The following SLC6A6 variants were observed in gnomAD, a reference collection of about 807,000 sequenced individuals.
SLC6A6 encodes the protein sodium- and chloride-dependent taurine transporter.
A neutral mutation model predicts 68.8 loss-of-function variants in SLC6A6; 16 were observed. That is an observed-to-expected ratio of 0.23 (90% confidence interval 0.16 to 0.35). The LOEUF (loss-of-function observed/expected upper bound fraction) is 0.35, where lower values mean the gene tolerates loss of function less well. Among genes scored for constraint, SLC6A6 ranks in the 10% least tolerant of loss-of-function variants. The probability of loss-of-function intolerance (pLI) is 1.00; values close to 1 mark genes in which losing one functional copy is unlikely to be tolerated. For missense variants in SLC6A6, 474 were observed against 802.8 expected, an observed-to-expected ratio of 0.59 and a Z score of 4.95; for synonymous variants, 312 against 315.4, an observed-to-expected ratio of 0.99 and a Z score of 0.12.
chr3:14,444,718 G>A (rs1231984333), intron 3 of SLC6A6: 1 of 456,596 alleles, frequency 2.2e-6, no homozygotes, highest in South Asian at 1.5e-5. Context: ...CTTAGAGCCT[G>A]GTTTCTTAAC....
At position 14,468,284 on chromosome 3, in the gene SLC6A6, A is replaced by G; in HGVS notation, c.1096+72A>G. 7.0e-7 allele frequency: 1 copy of G among 1,421,562 alleles called. No homozygotes were observed. The highest frequency in any genetic ancestry group is 9.6e-7 in the Non-Finnish European group (1 of 1,046,044). 88.1% of individuals were successfully genotyped at this position (1,421,562 alleles called of 1,614,324 possible). On this transcript the variant is annotated intron_variant, in intron 9 of 14. Transcript: ENST00000622186. This position sits in a 1 kb window ranked among gnomAD's most constrained non-coding sequence, Gnocchi z 4.5. The stretch of plus-strand genomic sequence containing the variant: ...TGTAAGCCAAGTACTGCAGGCATGA[A>G]GCCAGACCCCAGGGGGCTTTGAGGG...
chr3:14,405,013 G>T (rs1442346080), intron 1 of SLC6A6, among the ~76,000 whole-genome samples: 1 of 152,236 alleles, frequency 6.6e-6, no homozygotes, highest in African/African-American at 2.4e-5. Context: ...CAAACTGAGA[G>T]CCACCTAAGG....
chr3:14,421,045 C>T, intron 2 of SLC6A6, among the ~76,000 whole-genome samples: 1 of 152,200 alleles, frequency 6.6e-6, no homozygotes, highest in Non-Finnish European at 1.5e-5. Context: ...ATCATTGACC[C>T]CGCAGGGGTT....
chr3:14,403,106 G>A (rs1171749212), intron 1 of SLC6A6, among the ~76,000 whole-genome samples: 1 of 146,946 alleles, frequency 6.8e-6, no homozygotes, highest in Non-Finnish European at 1.5e-5. Context: ...GTGTGTGTGT[G>A]TGTGTGTGTG....
chr3:14,466,782 C>T lies in SLC6A6; in HGVS notation c.867+132C>T, dbSNP rs549559338. 219 of 777,606 alleles carry T rather than the reference C, an allele frequency of 2.8e-4. 2 individuals carry two copies. The highest frequency in any genetic ancestry group is 2.6e-3 in the African/African-American group (153 of 57,892). The allele number at this position is 777,606 out of a possible 1,614,324, so 48.2% of individuals were successfully genotyped here. A position where few individuals can be genotyped will look rare whatever the true frequency, so the allele number is the denominator to read the frequency against. On this transcript the variant is annotated intron_variant, in intron 7 of 14. Transcript: ENST00000622186. Reference sequence around the variant, plus strand: ...CAGTGCACAGGTCTAGCTGGGCCACCGCCCCCTGGTACTTTTCCACCGGGC... The same window carrying T: ...CAGTGCACAGGTCTAGCTGGGCCACTGCCCCCTGGTACTTTTCCACCGGGC...
rs3773169 is a variant in SLC6A6, at chr3:14,472,939, C to G, written c.1209+622C>G. On this transcript the variant is annotated intron_variant, in intron 10 of 14. Transcript: ENST00000622186. The surrounding 1 kb of genome is among the most constrained non-coding windows in gnomAD (Gnocchi z 4.5). ...GCCTCGCTCAAACCCGCCCTGACCT[C>G]TGGCTGTCCTGGCTTCTCCCCTCCC... Among the ~76,000 whole-genome samples the G allele has an allele frequency of 8.5e-5, 13 of 152,346 alleles. No homozygotes were observed. The East Asian group carries it at 2.5e-3, about 29-fold the overall frequency.
chr3:14,413,953 T>C lies in SLC6A6; in HGVS notation c.-53-2459T>C, dbSNP rs562144765. Among the ~76,000 whole-genome samples, 3 of 152,290 alleles carry C rather than the reference T, an allele frequency of 2.0e-5. No individual in the cohort carries two copies. In the East Asian group the frequency reaches 5.8e-4, roughly 29 times the overall value. On this transcript the variant is annotated intron_variant, in intron 1 of 14. Transcript: ENST00000622186. ...GTTTTATTTTTTTTATTTATTTATTTTTGAGATGAGTCTTTCTGTGTCTCC... is the reference window on the plus strand; with the variant it reads ...GTTTTATTTTTTTTATTTATTTATTCTTGAGATGAGTCTTTCTGTGTCTCC...
At chr3:14,444,351 C>T (rs1352533872) in intron 3 of SLC6A6, 1 of 191,378 alleles carries the variant, frequency 5.2e-6, no homozygotes, top group African/African-American at 2.3e-5. Context: ...CCAAAGGTAT[C>T]CAGGAATAAA....
chr3:14,424,797 T>G (rs1436149215), intron 2 of SLC6A6, among the ~76,000 whole-genome samples: 1 of 152,180 alleles, frequency 6.6e-6, no homozygotes, highest in Non-Finnish European at 1.5e-5. Context: ...AAACCCACTC[T>G]AACGAGGTGT....
chr3:14,444,897 C>A, intron 3 of SLC6A6: 2 of 454,296 alleles, frequency 4.4e-6, no homozygotes, highest in Non-Finnish European at 8.8e-6. Flanking sequence ...GCTTTGCCCC[C>A]CCATTCTTCC....
At chr3:14,480,641 G>A (rs777785409) in intron 13 of SLC6A6, among the ~76,000 whole-genome samples, 1 of 152,194 alleles carries the variant, frequency 6.6e-6, no homozygotes, top group South Asian at 2.1e-4. Context: ...GCCCATCACC[G>A]ACTCTGCTTT....
intron 2 of SLC6A6, among the ~76,000 whole-genome samples, chr3:14,434,601 C>T (rs1244570539): frequency 3.3e-5 from 5 of 152,210 alleles, no homozygotes; most frequent in Non-Finnish European, 7.3e-5. Context: ...GTGACTTGGC[C>T]TGCATGACCC....
intron 14 of SLC6A6, among the ~76,000 whole-genome samples, chr3:14,484,232 A>C (rs1446672973): frequency 1.3e-5 from 2 of 152,196 alleles, no homozygotes; most frequent in East Asian, 3.8e-4. Context: ...CACCCTGCTC[A>C]GGAGTGATCT....
rs1266688684 is a variant in SLC6A6 at position 14,489,077 on chromosome 3, T to C, written c.*4070T>C. The stretch of plus-strand genomic sequence containing the variant: ...AATATTTTTAAGATATTTTAAACTT[T>C]TATAAAAAAAAAATCAACCAACAAG... On this transcript the variant is annotated 3_prime_UTR_variant, in exon 15 of 15. Coordinates refer to ENST00000622186, the MANE Select transcript of SLC6A6 (RefSeq NM_003043.6). The C allele has an allele frequency of 6.6e-6, 1 of 152,534 alleles. No individual in the cohort carries two copies. The highest frequency in any genetic ancestry group is 1.5e-5 in the Non-Finnish European group (1 of 68,032). 9.4% of individuals were successfully genotyped at this position (152,534 alleles called of 1,614,324 possible). A position where few individuals can be genotyped will look rare whatever the true frequency, so the allele number is the denominator to read the frequency against.
At chr3:14,417,033 C>T (rs1484988229) in intron 2 of SLC6A6, among the ~76,000 whole-genome samples, 4 of 152,160 alleles carry the variant, frequency 2.6e-5, no homozygotes, top group Non-Finnish European at 4.4e-5. Flanking sequence ...TTTGGAGTAA[C>T]GGGGTTTCAC....
intron 10 of SLC6A6, among the ~76,000 whole-genome samples, chr3:14,473,116 G>A (rs1306997148): frequency 1.3e-5 from 2 of 152,250 alleles, no homozygotes; most frequent in Non-Finnish European, 2.9e-5. Flanking sequence ...CTGTAGAGTA[G>A]CCAGTGCCTA....
chr3:14,441,863 C>G (rs577525950), intron 2 of SLC6A6, among the ~76,000 whole-genome samples: 18 of 152,396 alleles, frequency 1.2e-4, no homozygotes, highest in Non-Finnish European at 2.2e-4. Context: ...TCTTGCCTGA[C>G]ACCCTACTGT....
intron 4 of SLC6A6, among the ~76,000 whole-genome samples, chr3:14,447,262 A>C (rs534541546): frequency 4.6e-5 from 7 of 151,802 alleles, no homozygotes; most frequent in Non-Finnish European, 8.8e-5. Flanking sequence ...CCATCCATCC[A>C]TCCAAACATC....
chr3:14,436,531 CTTTTTTTTTTTTTTTTTTTT>C (rs58996264), intron 2 of SLC6A6, among the ~76,000 whole-genome samples: 5 of 112,578 alleles, frequency 4.4e-5, no homozygotes, highest in South Asian at 3.1e-4. Flanking sequence ...CAACAACTCC[CTTTTTTTTTTTTTTTTTTTT>C]TTTTTTTTTT....
Sources: gnomAD v4.1 joint callset for allele counts (sites outside exome capture counted in the v4.1 genomes callset) on GRCh38, gnomAD v4.1.1 for gene constraint, Gnocchi (gnomAD v3.1) non-coding constraint, MANE v1.5 for transcripts, NCBI Gene and HGNC (gene_info 2026-07-23, HGNC 2026-07-21) for gene names.